Variants in CMSS1 observed in about 807,000 individuals in gnomAD.
The protein encoded by CMSS1 is protein CMSS1.
A neutral mutation model predicts 43.5 loss-of-function variants in CMSS1; 33 were observed. The ratio of observed to expected loss-of-function variants is 0.76; its 90% CI spans 0.57 to 1.01. The LOEUF (loss-of-function observed/expected upper bound fraction) is 1.01, where lower values mean the gene tolerates loss of function less well. Ranked by LOEUF, CMSS1 falls within the 50% of genes least tolerant of loss-of-function variation. The pLI is 0.00. For missense variants in CMSS1, 313 were observed against 326.4 expected (o/e 0.96, Z 0.32); for synonymous variants, 115 against 117.2 (o/e 0.98, Z 0.12).
chr3:99,939,078 G>A (rs4577503), intron 1 of CMSS1, among the ~76,000 whole-genome samples: 84,657 of 152,020 alleles, frequency 0.56, 24,062 homozygotes, highest in East Asian at 0.72. Context: ...GGAAAGTGGG[G>A]ATGTATGATT....
At chr3:99,891,182 A>C (rs1706071846) in intron 1 of CMSS1, among the ~76,000 whole-genome samples, 1 of 151,860 alleles carries the variant, frequency 6.6e-6, no homozygotes, top group Admixed American at 6.6e-5. Context: ...AGTTCATGGA[A>C]AGCAGTTTTC....
At chr3:99,976,859 G>A (rs1708987502) in intron 1 of CMSS1, among the ~76,000 whole-genome samples, 1 of 152,020 alleles carries the variant, frequency 6.6e-6, no homozygotes, top group African/African-American at 2.4e-5. Flanking sequence ...CTCCTGTTCA[G>A]TTATTTTCTC....
chr3:99,954,169 C>G (rs1708254717), intron 1 of CMSS1, among the ~76,000 whole-genome samples: 1 of 152,214 alleles, frequency 6.6e-6, no homozygotes, highest in Non-Finnish European at 1.5e-5. Context: ...TCATATTTCA[C>G]AGGTGACAAA....
intron 4 of CMSS1, 107 bp downstream of exon 4, chr3:100,162,539 G>T (rs1054868725): frequency 1.7e-6 from 2 of 1,202,470 alleles, no homozygotes; most frequent in African/African-American, 3.1e-5. Flanking sequence ...CGGGCATGGT[G>T]GCTCATGCCT....
At chr3:100,114,980 A>C in intron 1 of CMSS1, 3 of 1,531,996 alleles carry the variant, frequency 2.0e-6, no homozygotes, top group Non-Finnish European at 1.8e-6. Context: ...ACTCTAGAGC[A>C]ACATCGGAAT....
chr3:100,174,903 C>G (rs1053831574), intron 8 of CMSS1, among the ~76,000 whole-genome samples: 1 of 152,090 alleles, frequency 6.6e-6, no homozygotes, highest in Non-Finnish European at 1.5e-5. Flanking sequence ...GAAGCAATCT[C>G]TTGTTAATAA....
chr3:99,997,150 A>C (rs2107151725), intron 1 of CMSS1, among the ~76,000 whole-genome samples: 1 of 152,322 alleles, frequency 6.6e-6, no homozygotes, highest in South Asian at 2.1e-4. Context: ...AACAAGAAAA[A>C]CCATACAAAG....
intron 1 of CMSS1, among the ~76,000 whole-genome samples, chr3:100,117,557 A>T (rs80143985): frequency 0.01 from 1,548 of 152,118 alleles, 30 homozygotes; most frequent in African/African-American, 0.035. Flanking sequence ...CAGTACATTA[A>T]CTACTAACCA....
intron 2 of CMSS1, among the ~76,000 whole-genome samples, chr3:100,155,886 T>C (rs1215359041): frequency 6.6e-6 from 1 of 152,178 alleles, no homozygotes; most frequent in Non-Finnish European, 1.5e-5. Flanking sequence ...TTTCTGATCC[T>C]TTGTATTTTG....
At chr3:99,997,789 T>C (rs1559719446) in intron 1 of CMSS1, among the ~76,000 whole-genome samples, 1 of 152,144 alleles carries the variant, frequency 6.6e-6, no homozygotes, top group Non-Finnish European at 1.5e-5. Context: ...CATGAGGTAA[T>C]AGAGTTTTGA....
chr3:99,972,475 T>C (rs571701931), intron 1 of CMSS1, among the ~76,000 whole-genome samples: 2 of 152,346 alleles, frequency 1.3e-5, no homozygotes, highest in African/African-American at 4.8e-5. Flanking sequence ...CCATTTTATT[T>C]CTCTCCATTA....
chr3:99,892,824 C>G (rs1357253656), intron 1 of CMSS1, among the ~76,000 whole-genome samples: 1 of 152,212 alleles, frequency 6.6e-6, no homozygotes, highest in Non-Finnish European at 1.5e-5. Flanking sequence ...CAGATTTTAT[C>G]CTTGATCTAA....
intron 1 of CMSS1, among the ~76,000 whole-genome samples, chr3:99,835,072 A>G (rs758418909): frequency 7.9e-5 from 12 of 152,062 alleles, no homozygotes; most frequent in Non-Finnish European, 1.8e-4. Context: ...TCATAATCCT[A>G]ACTTCTTTGA....
intron 2 of CMSS1, among the ~76,000 whole-genome samples, chr3:100,150,473 A>G (rs2066897445): frequency 6.6e-6 from 1 of 152,176 alleles, no homozygotes; most frequent in Admixed American, 6.5e-5. Flanking sequence ...GCTGTAATAT[A>G]CATTTAGGCT....
chr3:100,172,295 T>C (rs2067116778), intron 7 of CMSS1, 21 bp from the exon 8 acceptor site: 3 of 1,608,214 alleles, frequency 1.9e-6, no homozygotes, highest in East Asian at 4.5e-5. Context: ...CTTTTCTTTC[T>C]TCTCTTTCAT....
intron 1 of CMSS1, among the ~76,000 whole-genome samples, chr3:99,986,761 G>T (rs1709353839): frequency 6.6e-6 from 1 of 152,116 alleles, no homozygotes; most frequent in Non-Finnish European, 1.5e-5. Context: ...CCCAGGGGAT[G>T]GTAGGAAGTA....
chr3:100,176,260 A>C (rs919289709), intron 8 of CMSS1, 67 bp from the exon 9 acceptor site: 4 of 1,126,348 alleles, frequency 3.6e-6, no homozygotes, highest in Non-Finnish European at 5.3e-6. Context: ...CGGAGAATAA[A>C]AAATCATTTT....
At chr3:100,065,829 T>C (rs2065654069) in intron 1 of CMSS1, among the ~76,000 whole-genome samples, 2 of 152,226 alleles carry the variant, frequency 1.3e-5, no homozygotes, top group Admixed American at 6.5e-5. Context: ...TAAATGTTTA[T>C]TGGCCAGGTA....
intron 1 of CMSS1, among the ~76,000 whole-genome samples, chr3:100,100,705 G>C (rs1576060603): frequency 2.6e-5 from 4 of 152,208 alleles, no homozygotes; most frequent in Admixed American, 2.6e-4. Flanking sequence ...TTACATTTTT[G>C]TTGGTAGCTG....
Sources: allele counts gnomAD v4.1 joint callset (sites outside exome capture counted in the v4.1 genomes callset), GRCh38; gene constraint gnomAD v4.1.1; transcripts MANE v1.5; gene names NCBI Gene and HGNC (gene_info 2026-07-23, HGNC 2026-07-21).